The following C12orf42 variants were observed in gnomAD, a reference collection of about 807,000 sequenced individuals.
The protein encoded by C12orf42 is uncharacterized protein C12orf42.
In C12orf42, 25 loss-of-function variants were observed where a neutral mutation model predicts 21.6. The observed-to-expected ratio is 1.16, with a 90% CI of 0.84 to 1.62. C12orf42 has a LOEUF of 1.62. C12orf42 is among the 40% of genes most tolerant of loss of function. The probability of loss-of-function intolerance (pLI) is 0.00; values close to 1 mark genes in which losing one functional copy is unlikely to be tolerated. For missense variants in C12orf42, 483 were observed against 459.3 expected (o/e 1.05, Z -0.47); for synonymous variants, 174 against 175.0 (o/e 0.99, Z 0.05).
intron 4 of C12orf42, among the ~76,000 whole-genome samples, chr12:103,313,261 C>A (rs2039144152): frequency 6.6e-6 from 1 of 152,220 alleles, no homozygotes; most frequent in Non-Finnish European, 1.5e-5. Flanking sequence ...TCTATTAATG[C>A]TGAAACTCCA....
intron 2 of C12orf42, among the ~76,000 whole-genome samples, chr12:103,433,808 T>G (rs1382368308): frequency 6.6e-6 from 1 of 152,152 alleles, no homozygotes; most frequent in Non-Finnish European, 1.5e-5. Flanking sequence ...GAAACAGAAA[T>G]ATGAACTAAA....
the C12orf42 span, among the ~76,000 whole-genome samples, chr12:103,177,700 T>C: frequency 1.3e-5 from 2 of 152,194 alleles, no homozygotes; most frequent in Non-Finnish European, 2.9e-5. Context: ...CATCACATAA[T>C]TTAATTGTAC....
intron 4 of C12orf42, among the ~76,000 whole-genome samples, chr12:103,309,316 AC>A (rs2136605268): frequency 6.6e-6 from 1 of 152,302 alleles, no homozygotes; most frequent in African/African-American, 2.4e-5. Context: ...AAAGATGAAG[AC>A]TTTTATGATG....
At chr12:103,217,602 A>G in the C12orf42 span, among the ~76,000 whole-genome samples, 1 of 151,812 alleles carries the variant, frequency 6.6e-6, no homozygotes, top group Admixed American at 6.6e-5. Context: ...TGCTCACTCC[A>G]GAACACCGTA....
intron 4 of C12orf42, among the ~76,000 whole-genome samples, chr12:103,318,347 T>C (rs1241627443): frequency 6.6e-6 from 1 of 152,178 alleles, no homozygotes; most frequent in Non-Finnish European, 1.5e-5. Context: ...TGTCTTCTTG[T>C]GCATGTACCC....
At chr12:103,121,872 T>A in the C12orf42 span, among the ~76,000 whole-genome samples, 2 of 152,200 alleles carry the variant, frequency 1.3e-5, no homozygotes, top group East Asian at 3.8e-4. Context: ...CACAAGTACT[T>A]TAACATTTTT....
At chr12:103,396,084 A>G (rs2047507863) in intron 3 of C12orf42, among the ~76,000 whole-genome samples, 1 of 150,658 alleles carries the variant, frequency 6.6e-6, no homozygotes, top group Non-Finnish European at 1.5e-5. Context: ...AACTTTTGTT[A>G]TATTATATAA....
intron 3 of C12orf42, among the ~76,000 whole-genome samples, chr12:103,394,447 C>T (rs1386680475): frequency 1.3e-5 from 2 of 152,138 alleles, no homozygotes; most frequent in African/African-American, 4.8e-5. Context: ...TTTAAAATGT[C>T]CACTTTAACA....
the C12orf42 span, among the ~76,000 whole-genome samples, chr12:103,143,904 T>C: frequency 7.9e-5 from 12 of 152,180 alleles, no homozygotes; most frequent in African/African-American, 1.7e-4. Flanking sequence ...GCTTTCCCAT[T>C]TGCAAAATGG....
chr12:103,420,369 C>T (rs1341697673), intron 2 of C12orf42, among the ~76,000 whole-genome samples: 1 of 152,134 alleles, frequency 6.6e-6, no homozygotes, highest in African/African-American at 2.4e-5. Context: ...TTGCAAACTG[C>T]CACATGAGGA....
the C12orf42 span, among the ~76,000 whole-genome samples, chr12:103,220,322 C>T: frequency 6.6e-6 from 1 of 152,014 alleles, no homozygotes; most frequent in Non-Finnish European, 1.5e-5. Context: ...GTGCAGCAAA[C>T]CACCATGGCA....
At chr12:103,226,927 C>T in the C12orf42 span, among the ~76,000 whole-genome samples, 6 of 152,126 alleles carry the variant, frequency 3.9e-5, no homozygotes, top group East Asian at 7.7e-4. Flanking sequence ...CACCTCAGAC[C>T]ATTTGCCTAT....
At chr12:103,140,744 A>G in the C12orf42 span, among the ~76,000 whole-genome samples, 1 of 152,118 alleles carries the variant, frequency 6.6e-6, no homozygotes, top group Non-Finnish European at 1.5e-5. Context: ...AAAAAATGGC[A>G]CCAATAAAGC....
chr12:103,187,567 G>T, the C12orf42 span, among the ~76,000 whole-genome samples: 1 of 152,132 alleles, frequency 6.6e-6, no homozygotes, highest in Non-Finnish European at 1.5e-5. Context: ...CTTTTGTTTT[G>T]CCAATGTATG....
chr12:103,328,464 T>C (rs1464402174), intron 4 of C12orf42, among the ~76,000 whole-genome samples: 1 of 152,186 alleles, frequency 6.6e-6, no homozygotes, highest in South Asian at 2.1e-4. Flanking sequence ...CTATGTCAGC[T>C]ATATTAAATA....
chr12:103,404,565 C>T (rs749056963), intron 2 of C12orf42, among the ~76,000 whole-genome samples: 66 of 152,184 alleles, frequency 4.3e-4, no homozygotes, highest in Non-Finnish European at 9.0e-4. Context: ...GCAGTAATTA[C>T]ACATTGAAAG....
chr12:103,133,026 G>A, the C12orf42 span, among the ~76,000 whole-genome samples: 1 of 152,154 alleles, frequency 6.6e-6, no homozygotes, highest in Admixed American at 6.5e-5. Flanking sequence ...TGACTGGGCT[G>A]GCTTTGCCCT....
intron 10 of C12orf42, among the ~76,000 whole-genome samples, chr12:103,241,755 A>C (rs1241224714): frequency 6.6e-6 from 1 of 152,174 alleles, no homozygotes; most frequent in Non-Finnish European, 1.5e-5. Context: ...TGTGGGAGAG[A>C]CAGAGGCACA....
At chr12:103,397,979 C>T (rs138011054) in intron 3 of C12orf42, among the ~76,000 whole-genome samples, 2 of 152,288 alleles carry the variant, frequency 1.3e-5, no homozygotes, top group African/African-American at 4.8e-5. Context: ...CCCAAACACA[C>T]TGACTTGATC....
Sources: allele counts gnomAD v4.1 joint callset (sites outside exome capture counted in the v4.1 genomes callset), GRCh38; gene constraint gnomAD v4.1.1; transcripts MANE v1.5; gene names NCBI Gene and HGNC (gene_info 2026-07-23, HGNC 2026-07-21).